The following OPLAH variants were observed in gnomAD, a reference collection of about 807,000 sequenced individuals.
OPLAH encodes 5-oxoprolinase, ATP-hydrolysing.
In OPLAH, 103 loss-of-function variants were observed where a neutral mutation model predicts 122.8. The ratio of observed to expected loss-of-function variants is 0.84; its 90% CI spans 0.71 to 0.99. The LOEUF (loss-of-function observed/expected upper bound fraction) is 0.99, where lower values mean the gene tolerates loss of function less well. Ranked by LOEUF, OPLAH falls within the 50% of genes least tolerant of loss-of-function variation. The pLI is 0.00. For synonymous variants in OPLAH, 875 were observed against 796.0 expected, an observed-to-expected ratio of 1.10 and a Z score of -1.67; for missense variants, 1,902 against 1,836.5, an observed-to-expected ratio of 1.04 and a Z score of -0.65.
At chr8:144,059,469 G>A in intron 3 of OPLAH, 130 bp downstream of exon 3, 4 of 1,006,074 alleles carry the variant, frequency 4.0e-6, no homozygotes, top group Non-Finnish European at 5.7e-6. Context: ...CTGGGAATTC[G>A]GGAGCTTCCT....
In OPLAH at chr8:144,051,438, C is replaced by A; in HGVS notation, c.3755G>T (p.Gly1252Val). The change falls in exon 27 of 27, where the codon GGC becomes GTC. Residue 1252 changes from glycine to valine, a missense_variant. Coordinates refer to ENST00000618853, the MANE Select transcript of OPLAH (RefSeq NM_017570.5). ...VFCLHTPGGG[G>V]YGDPEDPAPP... is the part of the protein sequence containing the mutation. ...GGCGGGGTCCTCCGGGTCCCCATAG[C>A]CACCGCCGCCGGGCGTGTGGAGACA... 2 of 1,565,186 alleles carry A rather than the reference C, an allele frequency of 1.3e-6. No individual in the cohort carries two copies. The highest frequency in any genetic ancestry group is 1.7e-6 in the Non-Finnish European group (2 of 1,162,074).
rs1554758522 is a variant in OPLAH, at chr8:144,054,723, C to T, written c.2524G>A (p.Gly842Ser). 1.9e-6 allele frequency: 3 copies of T among 1,612,320 alleles called. No individual in the cohort carries two copies. The highest frequency in any genetic ancestry group is 2.2e-5 in the South Asian group (2 of 91,066). The change falls in exon 19 of 27, where the codon GGT (glycine) becomes AGT (serine). Residue 842 changes from glycine to serine, a missense_variant. Transcript: ENST00000618853. ...ACATAGAACACAGGCCGCGTCTGAC[C>T]CGGCCAAAACACCTAGCGGGTGGAG... ...LTVITPVFWPGQTRPVFYVAS... is the reference protein window; with the variant it reads ...LTVITPVFWPSQTRPVFYVAS...
At chr8:144,052,108 G>C (rs1276152575) in intron 24 of OPLAH, 32 bp from the exon 25 acceptor site, 6 of 1,557,822 alleles carry the variant, frequency 3.9e-6, no homozygotes, top group African/African-American at 1.4e-5. Flanking sequence ...CAAAGACTCA[G>C]CGTGGCCCGA....
Position 144,059,844 on chromosome 8 carries a change from C to T in OPLAH, c.171+18G>A, listed in dbSNP as rs782186139. 12 of 1,612,058 alleles carry T rather than the reference C, an allele frequency of 7.4e-6. No homozygotes were observed. Among genetic ancestry groups the T allele is most frequent in the Admixed American group, 5.0e-5 (3 of 59,974 alleles). ...TCTGGCCGTGGGGTCCCTGTCCACCCGCTCCGCCCTGGCCCACCTGCTCCA... is the reference window on the plus strand; with the variant it reads ...TCTGGCCGTGGGGTCCCTGTCCACCTGCTCCGCCCTGGCCCACCTGCTCCA... On this transcript the variant is annotated intron_variant, in intron 2 of 26. Coordinates refer to ENST00000618853, the MANE Select transcript of OPLAH (RefSeq NM_017570.5).
downstream of OPLAH, chr8:144,050,938 C>G: frequency 9.8e-7 from 1 of 1,025,248 alleles, no homozygotes; most frequent in Non-Finnish European, 1.2e-6. Context: ...CGCCCCCCTA[C>G]CAGGGCCCTG....
chr8:144,063,888 C>T (rs544171733), upstream of OPLAH: 1 of 152,566 alleles, frequency 6.6e-6, no homozygotes, highest in South Asian at 2.1e-4. The surrounding 1 kb of genome is among the most constrained non-coding windows in gnomAD (Gnocchi z 4.2). Context: ...CTGTGCCAGC[C>T]GCTGGATCTC....
rs1835416621 is a variant in OPLAH at position 144,052,777 on chromosome 8, G to A, written c.3142C>T (p.Pro1048Ser). Reference protein sequence around the residue: ...CLRCLVGRDIPLNQGCLAPVR... With the variant: ...CLRCLVGRDISLNQGCLAPVR... The stretch of plus-strand genomic sequence containing the variant: ...ACACCCCTGCGAACCTGGTTGAGTG[G>A]GATGTCGCGGCCCACCAGACAGCGC... Residue 1048 changes from proline to serine, a missense_variant, in exon 22 of 27, where the codon CCA (proline) becomes TCA (serine). Physicochemically the swap from Pro to Ser is moderately conservative, Grantham distance 74 (BLOSUM62 -1). Transcript: ENST00000618853. The A allele has an allele frequency of 6.4e-7, 1 of 1,566,154 alleles. No individual in the cohort carries two copies. The highest frequency in any genetic ancestry group is 2.4e-5 in the East Asian group (1 of 41,688).
chr8:144,061,770 C>A (rs1183815633), upstream of OPLAH, among the ~76,000 whole-genome samples: 2 of 152,178 alleles, frequency 1.3e-5, no homozygotes, highest in African/African-American at 4.8e-5. Flanking sequence ...CGCCTGTAAT[C>A]CCAGCACTTT....
Position 144,051,374 on chromosome 8 carries a change from G to T in OPLAH, c.3819C>A (p.Pro1273=). 6.2e-7 allele frequency: 1 copy of T among 1,608,456 alleles called. No homozygotes were observed. The highest frequency in any genetic ancestry group is 1.3e-5 in the African/African-American group (1 of 74,460). ...PGSPPQALAF[P]EHGSVYEYRR... ...GATACTCATAGACGCTGCCGTGCTC[G>T]GGAAAGGCCAGTGCTTGCGGGGGCG... Residue 1273 remains proline (P), a synonymous_variant, in exon 27 of 27, where the codon CCC becomes CCA. Coordinates refer to ENST00000618853, the MANE Select transcript of OPLAH (RefSeq NM_017570.5).
intron 14 of OPLAH, 45 bp from the exon 15 acceptor site, chr8:144,056,304 C>T (rs782500911): frequency 6.3e-7 from 1 of 1,597,216 alleles, no homozygotes; most frequent in Non-Finnish European, 8.6e-7. Flanking sequence ...CCAGCACCCT[C>T]CCCGATGCCT....
In OPLAH at chr8:144,056,625, C is replaced by T. The variant is rs781913604; in HGVS notation, c.1837G>A (p.Val613Met). Residue 613 changes from valine to methionine, a missense_variant, in exon 13 of 27, where the codon GTG becomes ATG. Coordinates refer to ENST00000618853, the MANE Select transcript of OPLAH (RefSeq NM_017570.5). ...AGTCAGGAAGCCACGTACCGCTCCACAAAGGCTGCCCCGAAGTCCCCCGCA... is the reference window on the plus strand; with the variant it reads ...AGTCAGGAAGCCACGTACCGCTCCATAAAGGCTGCCCCGAAGTCCCCCGCA... ...PRAGDFGAAF[V>M]ERYMREFGFV... is the part of the protein sequence containing the mutation. The T allele has an allele frequency of 2.2e-5, 36 of 1,612,188 alleles. No homozygotes were observed. In the South Asian group the frequency reaches 3.3e-4, roughly 15 times the overall value.
upstream of OPLAH, chr8:144,060,702 C>A (rs915746149): frequency 1.7e-4 from 26 of 152,108 alleles, no homozygotes; most frequent in African/African-American, 6.0e-4. Context: ...TGCCTGCGCT[C>A]CCGGCGGCCC....
In OPLAH at chr8:144,059,720, G is replaced by C. The variant is rs1554760418; in HGVS notation, c.242C>G (p.Thr81Ser). Reference protein sequence around the residue: ...SSHIASIRMGTTVATNALLER... With the variant: ...SSHIASIRMGSTVATNALLER... ...CAGCAGTGCGTTGGTGGCCACTGTG[G>C]TGCCCATGCGGATGCTGGCGATATG... is the stretch of plus-strand genomic sequence containing the variant. The change falls in exon 3 of 27, where the codon ACC becomes AGC. Residue 81 changes from threonine (T) to serine (S), a missense_variant. By Grantham distance (58) the Thr-to-Ser change is moderately conservative. Around this residue, in one of 3 missense-constraint regions of OPLAH, gnomAD observed 168 missense variants for 170.6 expected, o/e 0.98. Coordinates refer to ENST00000618853, the MANE Select transcript of OPLAH (RefSeq NM_017570.5). 6.2e-7 allele frequency: 1 copy of C among 1,611,516 alleles called. No individual in the cohort carries two copies. The highest frequency in any genetic ancestry group is 8.5e-7 in the Non-Finnish European group (1 of 1,179,768).
In OPLAH at chr8:144,052,163, G is replaced by A; in HGVS notation, c.3461+6C>T. ...CGTGCCCCCAGCCTCCGCGCACGCC[G>A]CTCACCGGCTCTCCAGGATCTCAGG... On this transcript the variant is annotated splice_donor_region_variant and intron_variant, in intron 24 of 26. Coordinates refer to ENST00000618853, the MANE Select transcript of OPLAH (RefSeq NM_017570.5). The A allele has an allele frequency of 6.4e-7, 1 of 1,561,662 alleles. No homozygotes were observed. Among genetic ancestry groups the A allele is most frequent in the African/African-American group, 1.4e-5 (1 of 73,098 alleles).
rs1353566619 is a variant in OPLAH, at chr8:144,051,765, A to T, written c.3684T>A (p.Asn1228Lys). 6 of 1,606,146 alleles carry T rather than the reference A, an allele frequency of 3.7e-6. No individual in the cohort carries two copies. Among genetic ancestry groups the T allele is most frequent in the African/African-American group, 1.3e-5 (1 of 74,158 alleles). ...LLIRKNGRTV[N>K]LGGKTSVTVY... Reference sequence around the variant, plus strand: ...CGGTCACCGACGTCTTGCCGCCCAGATTCACCGTCCGGCCGTTTTTGCGGA... The same window carrying T: ...CGGTCACCGACGTCTTGCCGCCCAGTTTCACCGTCCGGCCGTTTTTGCGGA... The change falls in exon 26 of 27, where the codon AAT becomes AAA. Residue 1228 changes from asparagine (N) to lysine (K), a missense_variant. Transcript: ENST00000618853.
downstream of OPLAH, chr8:144,050,697 T>A (rs1835352043): frequency 2.0e-6 from 2 of 984,822 alleles, no homozygotes; most frequent in African/African-American, 3.5e-5. Context: ...GGGCCCTGGG[T>A]ATCGTGCTTA....
rs782528906 is a variant in OPLAH at position 144,053,070 on chromosome 8, G to A, written c.2931C>T (p.Ala977=). The A allele has an allele frequency of 1.9e-6, 3 of 1,602,232 alleles. No homozygotes were observed. In the African/African-American group the frequency reaches 4.0e-5, roughly 21 times the overall value. The change falls in exon 21 of 27, where the codon GCC becomes GCT. Residue 977 remains alanine, a synonymous_variant. Coordinates refer to ENST00000618853, the MANE Select transcript of OPLAH (RefSeq NM_017570.5). ...AGGACACCTCCAGGGGCAGGCCCCG[G>A]GCCTGCCGGGAGGTTCCAAAGGCAC... ...MLRAFGTSRQ[A]RGLPLEVSSE...
rs782001795 is a variant in OPLAH, at chr8:144,053,375, C to T, written c.2705G>A (p.Arg902Gln). The T allele has an allele frequency of 4.3e-6, 7 of 1,611,214 alleles. No individual in the cohort carries two copies. The Admixed American group carries it at 5.0e-5, about 12-fold the overall frequency. The change falls in exon 20 of 27, where the codon CGG (arginine) becomes CAG (glutamine). Residue 902 changes from arginine (R) to glutamine (Q), a missense_variant. Arg to Gln is a conservative substitution (Grantham distance 43). This residue lies in a region of OPLAH where 1,726 missense variants were observed against 1,642.1 expected (regional missense o/e 1.05). Coordinates refer to ENST00000618853, the MANE Select transcript of OPLAH (RefSeq NM_017570.5). ...GCAGTTGGGGACCTTGCCTGGCGCCCGCAGGGCCTCCGTCACCGCTGGATG... is the reference window on the plus strand; with the variant it reads ...GCAGTTGGGGACCTTGCCTGGCGCCTGCAGGGCCTCCGTCACCGCTGGATG... ...FQEEAVTEAL[R>Q]APGKVPNCSG... is the part of the protein sequence containing the mutation.
In OPLAH at chr8:144,059,612, T is replaced by A; in HGVS notation, c.350A>T (p.Asp117Val). Residue 117 changes from aspartate (D) to valine (V), a missense_variant, in exon 3 of 27, where the codon GAC (aspartate) becomes GTC (valine). By Grantham distance (152) the Asp-to-Val change is radical. This residue lies in a region of OPLAH where 168 missense variants were observed against 170.6 expected (regional missense o/e 0.98). Transcript: ENST00000618853. Reference sequence around the variant, plus strand: ...CATGGAGCTCACCAGGTCAAAGAGGTCCCCACGGGCTTGGGTGCCAATGTG... The same window carrying A: ...CATGGAGCTCACCAGGTCAAAGAGGACCCCACGGGCTTGGGTGCCAATGTG... ...LLHIGTQARG[D>V]LFDLAVPMPE... is the part of the protein sequence containing the mutation. 1 of 1,608,268 alleles carries A rather than the reference T, an allele frequency of 6.2e-7. No individual in the cohort carries two copies. The highest frequency in any genetic ancestry group is 1.3e-5 in the African/African-American group (1 of 74,934).
Sources: gnomAD v4.1 joint callset for allele counts (sites outside exome capture counted in the v4.1 genomes callset) on GRCh38, gnomAD v4.1.1 for gene constraint, gnomAD v4.1.1 regional missense constraint, Gnocchi (gnomAD v3.1) non-coding constraint, MANE v1.5 for transcripts, NCBI Gene and HGNC (gene_info 2026-07-23, HGNC 2026-07-21) for gene names.